PLD5: variants seen among roughly 807,000 people sequenced by gnomAD.
PLD5 encodes the protein phospholipase D family member 5.
Under a neutral mutation model 61.1 loss-of-function variants are expected in PLD5, and 36 were observed. The observed-to-expected ratio is 0.59, with a 90% CI of 0.45 to 0.78. The LOEUF is 0.78. Ranked by LOEUF, PLD5 falls within the 30% of genes least tolerant of loss-of-function variation. The probability of loss-of-function intolerance (pLI) is 0.00; values close to 1 mark genes in which losing one functional copy is unlikely to be tolerated. For synonymous variants in PLD5, 243 were observed against 242.8 expected (o/e 1.00, Z -0.01); for missense variants, 515 against 644.4 (o/e 0.80, Z 2.17).
At position 242,393,524 on chromosome 1, in the gene PLD5, G is replaced by A. The variant is rs368109811; in HGVS notation, c.190-45282C>T. On this transcript the variant is annotated intron_variant, in intron 1 of 9. Coordinates refer to ENST00000536534, the MANE Select transcript of PLD5 (RefSeq NM_001372062.1). ...TGTATATATGAGTATATATATATGTGTATATATGTGAGTATATATATGTGT... is the reference window on the plus strand; with the variant it reads ...TGTATATATGAGTATATATATATGTATATATATGTGAGTATATATATGTGT... Among the ~76,000 whole-genome samples the A allele has an allele frequency of 2.4e-5, 2 of 85,098 alleles. 1 individual carries two copies. Among genetic ancestry groups the A allele is most frequent in the Non-Finnish European group, 4.3e-5 (2 of 47,056 alleles). 55.8% of individuals were successfully genotyped at this position (85,098 alleles called of 152,430 possible).
Position 242,205,936 on chromosome 1 carries a change from T to C in PLD5, c.735+14052A>G, listed in dbSNP as rs566038798. 1.5e-4 allele frequency among the ~76,000 whole-genome samples: 23 copies of C among 152,330 alleles called. No individual in the cohort carries two copies. The East Asian group carries it at 4.2e-3, about 28-fold the overall frequency. On this transcript the variant is annotated intron_variant, in intron 5 of 9. Transcript: ENST00000536534. Reference sequence around the variant, plus strand: ...CTTTAAGCACTAGCACCCTTTCTCCTTGTTAATGTCAGGCTATGACCTCAA... The same window carrying C: ...CTTTAAGCACTAGCACCCTTTCTCCCTGTTAATGTCAGGCTATGACCTCAA...
At chr1:242,225,118 C>T (rs1670847090) in intron 4 of PLD5, among the ~76,000 whole-genome samples, 1 of 152,232 alleles carries the variant, frequency 6.6e-6, no homozygotes, top group Non-Finnish European at 1.5e-5. Flanking sequence ...GCACGTGAGA[C>T]CCATTCATGC....
intron 1 of PLD5, among the ~76,000 whole-genome samples, chr1:242,348,787 G>C (rs1402419940): frequency 1.3e-5 from 2 of 152,184 alleles, no homozygotes; most frequent in African/African-American, 2.4e-5. Context: ...GGGCGCGGTG[G>C]CTCATGCCTG....
Position 242,220,118 on chromosome 1 carries a change from A to C in PLD5, c.608-3T>G. On this transcript the variant is annotated splice_polypyrimidine_tract_variant and splice_region_variant and intron_variant, in intron 4 of 9. Transcript: ENST00000536534. ...GTTCATGTACGTCACCTCGGCTCCTAGGAGTTCAAGGACAGTCTGGTCAGC... is the reference window on the plus strand; with the variant it reads ...GTTCATGTACGTCACCTCGGCTCCTCGGAGTTCAAGGACAGTCTGGTCAGC... 2 of 1,614,014 alleles carry C rather than the reference A, an allele frequency of 1.2e-6. No homozygotes were observed. The highest frequency in any genetic ancestry group is 1.7e-6 in the Non-Finnish European group (2 of 1,179,954).
At chr1:242,108,042 T>G (rs1178499004) in intron 7 of PLD5, among the ~76,000 whole-genome samples, 1 of 152,100 alleles carries the variant, frequency 6.6e-6, no homozygotes, top group Admixed American at 6.5e-5. Context: ...GACCTGCCCC[T>G]GCCTAAAAGG....
At chr1:242,260,416 C>T (rs1263523961) in intron 4 of PLD5, among the ~76,000 whole-genome samples, 4 of 151,990 alleles carry the variant, frequency 2.6e-5, no homozygotes, top group Admixed American at 6.6e-5. Context: ...TGGCACATCC[C>T]TCAGGAATAC....
intron 1 of PLD5, among the ~76,000 whole-genome samples, chr1:242,371,683 A>C (rs768931433): frequency 6.6e-6 from 1 of 152,078 alleles, no homozygotes; most frequent in Non-Finnish European, 1.5e-5. Flanking sequence ...CAGAGCTTGC[A>C]TGGGGCTTTC....
chr1:242,131,319 C>CA (rs931468507), intron 5 of PLD5, among the ~76,000 whole-genome samples: 16 of 151,894 alleles, frequency 1.1e-4, no homozygotes, highest in Admixed American at 2.0e-4. Flanking sequence ...AAAACAACAG[C>CA]AAAAAAACTC....
intron 1 of PLD5, among the ~76,000 whole-genome samples, chr1:242,468,718 C>A (rs1667351547): frequency 6.6e-6 from 1 of 151,948 alleles, no homozygotes; most frequent in Non-Finnish European, 1.5e-5. Context: ...CACACACATA[C>A]ACACACATAT....
At chr1:242,352,729 T>C (rs1324155391) in intron 1 of PLD5, among the ~76,000 whole-genome samples, 1 of 152,324 alleles carries the variant, frequency 6.6e-6, no homozygotes, top group East Asian at 1.9e-4. Flanking sequence ...CTTTTGATGA[T>C]AGCCACTCTA....
chr1:242,113,054 T>C (rs940676979), intron 7 of PLD5, among the ~76,000 whole-genome samples: 6 of 151,244 alleles, frequency 4.0e-5, no homozygotes, highest in Non-Finnish European at 8.8e-5. Context: ...ACTGAGAACA[T>C]AGATATTTGA....
intron 4 of PLD5, among the ~76,000 whole-genome samples, chr1:242,229,748 G>A (rs181632692): frequency 1.4e-4 from 22 of 151,994 alleles, no homozygotes; most frequent in African/African-American, 4.3e-4. Flanking sequence ...TCCTAAGCCC[G>A]CTATTACTTC....
chr1:242,433,326 C>T (rs370460529), intron 1 of PLD5, among the ~76,000 whole-genome samples: 2 of 152,196 alleles, frequency 1.3e-5, no homozygotes, highest in East Asian at 1.9e-4. Context: ...CTCTGTCTCA[C>T]CCTTGAAAGA....
intron 2 of PLD5, among the ~76,000 whole-genome samples, chr1:242,335,213 A>G (rs1424396627): frequency 6.6e-6 from 1 of 151,760 alleles, no homozygotes; most frequent in Admixed American, 6.6e-5. Context: ...ACTCAGCTTG[A>G]CCCCTTACTA....
At chr1:242,184,446 G>A (rs1412393396) in intron 5 of PLD5, among the ~76,000 whole-genome samples, 2 of 152,058 alleles carry the variant, frequency 1.3e-5, no homozygotes, top group Admixed American at 6.5e-5. Context: ...GTGCAGTGGC[G>A]CGATCTCCAC....
intron 5 of PLD5, among the ~76,000 whole-genome samples, chr1:242,160,882 C>T (rs148804281): frequency 0.029 from 4,449 of 151,796 alleles, 241 homozygotes; most frequent in African/African-American, 0.1. Context: ...GAGAATCCAT[C>T]TCAAAAAATA....
chr1:242,465,707 T>C (rs541194953), intron 1 of PLD5, among the ~76,000 whole-genome samples: 126 of 152,234 alleles, frequency 8.3e-4, no homozygotes, highest in Non-Finnish European at 1.5e-3. Context: ...GGCGGGTGGA[T>C]CATGAGGTCA....
chr1:242,306,222 G>A (rs1457170080), intron 2 of PLD5, among the ~76,000 whole-genome samples: 2 of 150,432 alleles, frequency 1.3e-5, no homozygotes, highest in African/African-American at 4.9e-5. Context: ...GTCAGTCAGG[G>A]CTGAGACTGA....
At chr1:242,488,235 C>A (rs1468039195) in intron 1 of PLD5, among the ~76,000 whole-genome samples, 1 of 152,196 alleles carries the variant, frequency 6.6e-6, no homozygotes, top group African/African-American at 2.4e-5. Context: ...CCCAAATGAG[C>A]TGAAAACTTA....
Sources: gnomAD v4.1 joint callset for allele counts (sites outside exome capture counted in the v4.1 genomes callset) on GRCh38, gnomAD v4.1.1 for gene constraint, MANE v1.5 for transcripts, NCBI Gene and HGNC (gene_info 2026-07-23, HGNC 2026-07-21) for gene names.